Variants in CACNA2D1 observed in about 807,000 individuals in gnomAD.
The protein encoded by CACNA2D1 is calcium voltage-gated channel auxiliary subunit alpha2delta 1, also known as voltage-dependent calcium channel subunit alpha-2/delta-1.
A neutral mutation model predicts 171.5 loss-of-function variants in CACNA2D1; 53 were observed. That is an observed-to-expected ratio of 0.31 (90% CI 0.25 to 0.39). The LOEUF is 0.39. Ranked by LOEUF, CACNA2D1 falls within the 10% of genes least tolerant of loss-of-function variation. The pLI, the probability that CACNA2D1 is intolerant of heterozygous loss-of-function variation, is 1.00. For synonymous variants in CACNA2D1, 442 were observed against 443.1 expected, an observed-to-expected ratio of 1.00 and a Z score of 0.03; for missense variants, 903 against 1,299.8, an observed-to-expected ratio of 0.69 and a Z score of 4.69.
intron 1 of CACNA2D1, among the ~76,000 whole-genome samples, chr7:82,353,662 C>A (rs555979669): frequency 6.6e-6 from 1 of 151,792 alleles, no homozygotes; most frequent in Non-Finnish European, 1.5e-5. Context: ...TCACAAAAGC[C>A]AAAGAAGGGA....
At chr7:82,168,093 T>C (rs1795651018) in intron 4 of CACNA2D1, among the ~76,000 whole-genome samples, 1 of 152,124 alleles carries the variant, frequency 6.6e-6, no homozygotes, top group African/African-American at 2.4e-5. Context: ...TTGACATCTC[T>C]AAGAATACAG....
chr7:82,380,958 G>A (rs1823629976), intron 1 of CACNA2D1, among the ~76,000 whole-genome samples: 1 of 151,962 alleles, frequency 6.6e-6, no homozygotes. Context: ...GCCTCCCAAA[G>A]TGCTGGGACT....
intron 4 of CACNA2D1, among the ~76,000 whole-genome samples, chr7:82,145,749 C>T (rs1792959232): frequency 6.7e-6 from 1 of 149,480 alleles, no homozygotes; most frequent in Non-Finnish European, 1.5e-5. Context: ...CCTATATGTA[C>T]ACCCTCTAAA....
chr7:82,145,004 T>C (rs1792815763), intron 4 of CACNA2D1, among the ~76,000 whole-genome samples: 1 of 151,822 alleles, frequency 6.6e-6, no homozygotes, highest in African/African-American at 2.4e-5. Context: ...CTCAGCCTGA[T>C]TTAGGTTAGA....
intron 7 of CACNA2D1, among the ~76,000 whole-genome samples, chr7:82,076,612 A>C (rs1371622378): frequency 6.6e-6 from 1 of 152,086 alleles, no homozygotes; most frequent in Non-Finnish European, 1.5e-5. Flanking sequence ...TCCACATCTG[A>C]CCATTAAAAT....
At chr7:81,956,924 A>G (rs568542827) in intron 38 of CACNA2D1, among the ~76,000 whole-genome samples, 3 of 152,300 alleles carry the variant, frequency 2.0e-5, no homozygotes, top group African/African-American at 7.2e-5. Context: ...GAAATTTCTT[A>G]AAAGGTTAAT....
intron 3 of CACNA2D1, among the ~76,000 whole-genome samples, chr7:82,273,758 A>C (rs1808944899): frequency 6.6e-6 from 1 of 152,340 alleles, no homozygotes; most frequent in Admixed American, 6.5e-5. Flanking sequence ...GTGCGTATGC[A>C]TGCATAAGTG....
In CACNA2D1 at chr7:82,035,436, G is replaced by T. The variant is rs549836587; in HGVS notation, c.1039-2535C>A. Among the ~76,000 whole-genome samples the T allele has an allele frequency of 2.6e-5, 4 of 151,912 alleles. No individual in the cohort carries two copies. In the East Asian group the frequency reaches 7.7e-4, roughly 29 times the overall value. ...ATGCTTCAAATTATTTTAACATAAA[G>T]AATTTCAATATATATGTGGGATGTA... On this transcript the variant is annotated intron_variant, in intron 11 of 38. Coordinates refer to ENST00000356860, the MANE Select transcript of CACNA2D1 (RefSeq NM_000722.4).
At chr7:81,990,514 T>G (rs1015785657) in intron 21 of CACNA2D1, among the ~76,000 whole-genome samples, 4 of 151,278 alleles carry the variant, frequency 2.6e-5, no homozygotes, top group Non-Finnish European at 2.9e-5. Flanking sequence ...TGTGGTTTGG[T>G]GTCATGAGAT....
intron 3 of CACNA2D1, among the ~76,000 whole-genome samples, chr7:82,320,966 C>G (rs367543848): frequency 3.9e-3 from 207 of 52,778 alleles, no homozygotes; most frequent in African/African-American, 0.023. Context: ...AAGCCAAAAA[C>G]TTATATAAAG....
chr7:82,138,608 C>A (rs1443981895), intron 4 of CACNA2D1, among the ~76,000 whole-genome samples: 1 of 151,526 alleles, frequency 6.6e-6, no homozygotes, highest in Non-Finnish European at 1.5e-5. Context: ...CACCATGCCC[C>A]GCTAATTTTT....
At chr7:82,052,831 GA>G in intron 10 of CACNA2D1, among the ~76,000 whole-genome samples, 1 of 152,026 alleles carries the variant, frequency 6.6e-6, no homozygotes, top group East Asian at 1.9e-4. Context: ...TCTTTTCTTG[GA>G]AAAATTGCTA....
At chr7:82,434,803 C>T (rs1175721674) in intron 1 of CACNA2D1, among the ~76,000 whole-genome samples, 5 of 152,104 alleles carry the variant, frequency 3.3e-5, no homozygotes, top group African/African-American at 9.7e-5. Flanking sequence ...GTCCCTGACA[C>T]GCTACTTAGA....
chr7:82,119,380 A>G (rs979594819), intron 5 of CACNA2D1, among the ~76,000 whole-genome samples: 2 of 152,204 alleles, frequency 1.3e-5, no homozygotes, highest in African/African-American at 4.8e-5. Context: ...ATTAAATAAT[A>G]GATTAGATCA....
Position 82,343,028 on chromosome 7 carries a change from A to ATATATGTATAT in CACNA2D1, c.177+6539_177+6540insATATACATATA, listed in dbSNP as rs1818852780. ...ACAAACACAATCCAAACATATATAT[A>ATATATGTATAT]CACACACATGCAATTATATACATAC... On this transcript the variant is annotated intron_variant, in intron 2 of 38. Transcript: ENST00000356860. The ATATATGTATAT allele has an allele frequency of 2.6e-5, 4 of 152,332 alleles. No homozygotes were observed. The South Asian group carries it at 8.3e-4, about 32-fold the overall frequency. The allele number at this position is 152,332 out of a possible 1,614,324, so 9.4% of individuals were successfully genotyped here. A position where few individuals can be genotyped will look rare whatever the true frequency, so the allele number is the denominator to read the frequency against.
At chr7:81,978,433 C>A (rs1796078087) in intron 24 of CACNA2D1, among the ~76,000 whole-genome samples, 2 of 152,024 alleles carry the variant, frequency 1.3e-5, no homozygotes, top group South Asian at 4.1e-4. Flanking sequence ...TTTGCAGGGA[C>A]ATGGATGAAG....
intron 34 of CACNA2D1, among the ~76,000 whole-genome samples, chr7:81,963,602 A>G (rs1208224521): frequency 2.0e-5 from 3 of 151,984 alleles, no homozygotes; most frequent in South Asian, 2.1e-4. Context: ...GATGCCCCTA[A>G]AACAATACTA....
intron 3 of CACNA2D1, among the ~76,000 whole-genome samples, chr7:82,174,469 G>A (rs1796364012): frequency 6.6e-6 from 1 of 151,994 alleles, no homozygotes; most frequent in Non-Finnish European, 1.5e-5. Flanking sequence ...CTACTTATTG[G>A]TTTGAACATT....
chr7:82,156,917 C>T (rs530923537), intron 4 of CACNA2D1, among the ~76,000 whole-genome samples: 118 of 152,136 alleles, frequency 7.8e-4, no homozygotes, highest in South Asian at 1.9e-3. Flanking sequence ...TCAAACCACA[C>T]AATAGATGTT....
Sources: allele counts gnomAD v4.1 joint callset (sites outside exome capture counted in the v4.1 genomes callset), GRCh38; gene constraint gnomAD v4.1.1; transcripts MANE v1.5; gene names NCBI Gene and HGNC (gene_info 2026-07-23, HGNC 2026-07-21).